Variants in PSMD12 observed in about 807,000 individuals in gnomAD.
PSMD12 encodes the protein proteasome 26S subunit, non-ATPase 12.
Under a neutral mutation model 62.9 loss-of-function variants are expected in PSMD12, and 8 were observed. That is an observed-to-expected ratio of 0.13 (90% CI 0.07 to 0.23). The LOEUF is 0.23. PSMD12 is among the 10% of genes least tolerant of loss of function. The probability of loss-of-function intolerance (pLI) is 1.00; values close to 1 mark genes in which losing one functional copy is unlikely to be tolerated. For missense variants in PSMD12, 424 were observed against 550.2 expected (o/e 0.77, Z 2.29); for synonymous variants, 173 against 187.4 (o/e 0.92, Z 0.63).
chr17:67,351,418 A>ATAATAATAATAATAATAATAG (rs1473750881), intron 3 of PSMD12, among the ~76,000 whole-genome samples: 6 of 148,812 alleles, frequency 4.0e-5, no homozygotes, highest in African/African-American at 1.5e-4. Context: ...AATAATAATA[A>ATAATAATAATAATAATAATAG]TAATAATAAT....
intron 1 of PSMD12, among the ~76,000 whole-genome samples, chr17:67,365,874 G>A (rs1470620262): frequency 6.6e-6 from 1 of 151,564 alleles, no homozygotes. Context: ...CCCTTGTATG[G>A]CCCTCACCAC....
chr17:67,357,194 T>C (rs191531725), intron 3 of PSMD12, 109 bp downstream of exon 3: 3 of 1,232,286 alleles, frequency 2.4e-6, no homozygotes, highest in African/African-American at 3.0e-5. Flanking sequence ...CCCTCTAGGA[T>C]GTTACAACGT....
At chr17:67,365,178 C>G (rs2042167741) in intron 1 of PSMD12, among the ~76,000 whole-genome samples, 1 of 149,186 alleles carries the variant, frequency 6.7e-6, no homozygotes, top group Non-Finnish European at 1.5e-5. Context: ...AAGTGAAACT[C>G]CGTCTCAAAA....
Position 67,347,474 on chromosome 17 carries a change from G to A in PSMD12, c.522C>T (p.Tyr174=), listed in dbSNP as rs146676412. The A allele has an allele frequency of 4.0e-4, 653 of 1,612,894 alleles. No individual in the cohort carries two copies. Among genetic ancestry groups the A allele is most frequent in the Non-Finnish European group, 5.2e-4 (609 of 1,179,844 alleles). The change falls in exon 6 of 11, where the codon TAC becomes TAT. Residue 174 remains tyrosine, a synonymous_variant. Transcript: ENST00000356126. ...SILQELQVET[Y]GSMEKKERVE... ...CTCGCTCTTTCTTTTCCATTGACCC[G>A]TAGGTTTCCACCTAGCACAGTAATT...
chr17:67,363,810 G>C (rs1249641433), intron 1 of PSMD12, among the ~76,000 whole-genome samples: 2 of 152,156 alleles, frequency 1.3e-5, no homozygotes, highest in African/African-American at 4.8e-5. Flanking sequence ...AGCACTTTGG[G>C]AGGCAGAGAC....
rs544424780 is a variant in PSMD12, at chr17:67,352,139, C to T, written c.298-1803G>A. The stretch of plus-strand genomic sequence containing the variant: ...ATGGGGCCTCATTTTGTCACCCAGG[C>T]TGGAGTGCACTGGCATGACCACAGC... On this transcript the variant is annotated intron_variant, in intron 3 of 10. Transcript: ENST00000356126. Among the ~76,000 whole-genome samples the T allele has an allele frequency of 9.2e-4, 139 of 151,792 alleles. 1 individual carries two copies. The highest frequency in any genetic ancestry group is 1.2e-3 in the East Asian group (6 of 5,154).
At chr17:67,365,916 T>C (rs2042174467) in intron 1 of PSMD12, among the ~76,000 whole-genome samples, 1 of 152,050 alleles carries the variant, frequency 6.6e-6, no homozygotes, top group African/African-American at 2.4e-5. Flanking sequence ...ATCACGTACA[T>C]CAACTCCTAA....
At chr17:67,345,384 G>A (rs1283179870) in intron 8 of PSMD12, among the ~76,000 whole-genome samples, 2 of 152,212 alleles carry the variant, frequency 1.3e-5, no homozygotes, top group Non-Finnish European at 1.5e-5. Context: ...GCTCAAGCCT[G>A]TAATCCCAGC....
chr17:67,364,058 A>C (rs2042158097), intron 1 of PSMD12, among the ~76,000 whole-genome samples: 1 of 152,178 alleles, frequency 6.6e-6, no homozygotes, highest in Non-Finnish European at 1.5e-5. Context: ...TCGAAACAAA[A>C]AATAAAAAAA....
At chr17:67,353,957 A>T (rs1298163808) in intron 3 of PSMD12, among the ~76,000 whole-genome samples, 3 of 152,158 alleles carry the variant, frequency 2.0e-5, no homozygotes, top group African/African-American at 4.8e-5. Flanking sequence ...TGTAGCAATT[A>T]AAAAAAATCT....
intron 1 of PSMD12, among the ~76,000 whole-genome samples, chr17:67,362,488 T>C (rs1482660912): frequency 6.6e-6 from 1 of 151,918 alleles, no homozygotes. Flanking sequence ...GCCTAGCTAG[T>C]ATGGTGAAAC....
chr17:67,347,012 A>G, intron 7 of PSMD12, 104 bp downstream of exon 7: 1 of 1,229,622 alleles, frequency 8.1e-7, no homozygotes, highest in Non-Finnish European at 1.1e-6. Context: ...AAGCAGCACC[A>G]TACAATTGCA....
In PSMD12 at chr17:67,345,901, TG is replaced by T; in HGVS notation, c.796-45del. On this transcript the variant is annotated intron_variant, in intron 7 of 10. Coordinates refer to ENST00000356126, the MANE Select transcript of PSMD12 (RefSeq NM_002816.5). ...AAGTTATATGCAAGACTGGACATAA[TG>T]GAAACTTTGACAAAAACTGAACAAT... 2.6e-6 allele frequency: 4 copies of T among 1,509,708 alleles called. No homozygotes were observed. In the South Asian group the frequency reaches 3.4e-5, roughly 13 times the overall value. 93.5% of individuals were successfully genotyped at this position (1,509,708 alleles called of 1,614,324 possible).
At chr17:67,348,502 G>A in intron 5 of PSMD12, 48 bp downstream of exon 5, 1 of 1,434,852 alleles carries the variant, frequency 7.0e-7, no homozygotes, top group South Asian at 1.2e-5. Context: ...ATTAGAAAAT[G>A]CTGCTGACAA....
intron 9 of PSMD12, 76 bp from the exon 10 acceptor site, chr17:67,342,339 CAAGT>C: frequency 1.0e-6 from 1 of 970,442 alleles, no homozygotes; most frequent in Non-Finnish European, 1.6e-6. Context: ...TTTTCATATC[CAAGT>C]AAGTTTACTT....
intron 4 of PSMD12, among the ~76,000 whole-genome samples, chr17:67,349,957 T>A (rs1195023783): frequency 6.6e-6 from 1 of 152,204 alleles, no homozygotes; most frequent in African/African-American, 2.4e-5. Context: ...GTAGAATTTT[T>A]ATTCATTTTT....
chr17:67,340,868 T>C lies in PSMD12; in HGVS notation c.1346A>G (p.Glu449Gly). 1 of 1,587,178 alleles carries C rather than the reference T, an allele frequency of 6.3e-7. No individual in the cohort carries two copies. Among genetic ancestry groups the C allele is most frequent in the South Asian group, 1.2e-5 (1 of 85,234 alleles). Residue 449 changes from glutamate to glycine, a missense_variant, in exon 11 of 11, where the codon GAG becomes GGG. Transcript: ENST00000356126. ...TTATTGTAGATTATGTATCATCTCC[T>C]CTTTGGCTATGAGATGCGTAGTTTT... Reference protein sequence around the residue: ...VNKTTHLIAKEEMIHNLQ With the variant: ...VNKTTHLIAKGEMIHNLQ
At chr17:67,353,545 A>T (rs1176898020) in intron 3 of PSMD12, among the ~76,000 whole-genome samples, 1 of 152,102 alleles carries the variant, frequency 6.6e-6, no homozygotes, top group Non-Finnish European at 1.5e-5. Flanking sequence ...GAGCTCAGGA[A>T]ATCCGCCTGC....
At chr17:67,344,808 C>G in intron 8 of PSMD12, 28 bp from the exon 9 acceptor site, 1 of 1,468,750 alleles carries the variant, frequency 6.8e-7, no homozygotes. Flanking sequence ...CTTAATATTC[C>G]AAATCTGTAA....
Sources: allele counts gnomAD v4.1 joint callset (sites outside exome capture counted in the v4.1 genomes callset), GRCh38; gene constraint gnomAD v4.1.1; transcripts MANE v1.5; gene names NCBI Gene and HGNC (gene_info 2026-07-23, HGNC 2026-07-21).